UAP1: variants seen among roughly 807,000 people sequenced by gnomAD.
UAP1 encodes UDP-N-acetylhexosamine pyrophosphorylase.
In UAP1, 25 loss-of-function variants were observed where a neutral mutation model predicts 58.5. The ratio of observed to expected loss-of-function variants is 0.43; its 90% CI spans 0.31 to 0.60. The LOEUF is 0.60. UAP1 is among the 20% of genes least tolerant of loss of function. The probability of loss-of-function intolerance (pLI) is 0.11; values close to 1 mark genes in which losing one functional copy is unlikely to be tolerated. For synonymous variants in UAP1, 208 were observed against 213.0 expected, an observed-to-expected ratio of 0.98 and a Z score of 0.21; for missense variants, 575 against 630.0, an observed-to-expected ratio of 0.91 and a Z score of 0.93.
At chr1:162,588,390 A>C (rs1557976727) in intron 6 of UAP1, among the ~76,000 whole-genome samples, 1 of 152,192 alleles carries the variant, frequency 6.6e-6, no homozygotes, top group Non-Finnish European at 1.5e-5. Context: ...TGTTTCATCC[A>C]TAGTAACTTA....
intron 8 of UAP1, among the ~76,000 whole-genome samples, chr1:162,590,927 T>A (rs1005701966): frequency 6.7e-6 from 1 of 149,682 alleles, no homozygotes; most frequent in South Asian, 2.1e-4. Context: ...CACCACTATT[T>A]TTTTTTTTTT....
intron 8 of UAP1, among the ~76,000 whole-genome samples, chr1:162,591,032 C>A (rs1655278751): frequency 6.6e-6 from 1 of 151,418 alleles, no homozygotes; most frequent in Admixed American, 6.6e-5. Flanking sequence ...CAAATCGATT[C>A]TCCTACCTCA....
intron 2 of UAP1, among the ~76,000 whole-genome samples, chr1:162,570,144 G>A (rs1033043246): frequency 1.3e-4 from 18 of 139,946 alleles, no homozygotes; most frequent in East Asian, 2.2e-4. Context: ...GCGAGACTCC[G>A]TCTCAAAAAA....
chr1:162,582,857 C>A (rs1168227894), intron 5 of UAP1, among the ~76,000 whole-genome samples: 1 of 152,180 alleles, frequency 6.6e-6, no homozygotes. Context: ...TTTACTGATA[C>A]AAGTTTTGAG....
At position 162,565,997 on chromosome 1, in the gene UAP1, A is replaced by G; in HGVS notation, c.-57-15A>G. ...GTTGGATTTTGACATGCCATTAATTACTTTTCTCTTTTAGGTTTACAGGTA... is the reference window on the plus strand; with the variant it reads ...GTTGGATTTTGACATGCCATTAATTGCTTTTCTCTTTTAGGTTTACAGGTA... On this transcript the variant is annotated splice_polypyrimidine_tract_variant and intron_variant, in intron 1 of 10. Transcript: ENST00000271469. The G allele has an allele frequency of 6.8e-7, 1 of 1,472,126 alleles. No homozygotes were observed. The highest frequency in any genetic ancestry group is 9.1e-7 in the Non-Finnish European group (1 of 1,097,882). 91.2% of individuals were successfully genotyped at this position (1,472,126 alleles called of 1,614,324 possible).
chr1:162,577,435 CTTTTTTTTTTTTTTTTTTTTT>C (rs67627704), intron 3 of UAP1, among the ~76,000 whole-genome samples: 2 of 95,212 alleles, frequency 2.1e-5, no homozygotes, highest in African/African-American at 9.5e-5. Flanking sequence ...AGTTCCTTCC[CTTTTTTTTTTTTTTTTTTTTT>C]TTTTTTTTTT....
intron 9 of UAP1, among the ~76,000 whole-genome samples, chr1:162,595,543 AC>A (rs1250351284): frequency 6.6e-6 from 1 of 152,090 alleles, no homozygotes; most frequent in Non-Finnish European, 1.5e-5. Flanking sequence ...TGTGTGCCCC[AC>A]TATGCCTCCT....
intron 5 of UAP1, among the ~76,000 whole-genome samples, chr1:162,583,840 G>C (rs1334039634): frequency 6.6e-6 from 1 of 151,588 alleles, no homozygotes; most frequent in Non-Finnish European, 1.5e-5. Flanking sequence ...GGGTTTCACT[G>C]TGTTGCCTAG....
intron 4 of UAP1, 24 bp from the exon 5 acceptor site, chr1:162,581,263 C>T: frequency 6.3e-7 from 1 of 1,598,574 alleles, no homozygotes; most frequent in Non-Finnish European, 8.5e-7. Context: ...TGATATGCTA[C>T]TAATGGGCTA....
chr1:162,599,754 A>C (rs1213957660), exon 11 of UAP1: 1 of 155,152 alleles, frequency 6.4e-6, no homozygotes, highest in African/African-American at 2.4e-5. Context: ...TATGGTACTA[A>C]AAGTTTGTTT....
chr1:162,589,185 AT>A (rs1158516618), intron 7 of UAP1, among the ~76,000 whole-genome samples: 1 of 81,042 alleles, frequency 1.2e-5, no homozygotes, highest in African/African-American at 4.9e-5. Flanking sequence ...ATTATATATA[AT>A]ATATATTATA....
intron 2 of UAP1, among the ~76,000 whole-genome samples, chr1:162,566,652 A>C (rs1653529114): frequency 6.6e-6 from 1 of 151,244 alleles, no homozygotes; most frequent in South Asian, 2.1e-4. Context: ...TTTAAGACAG[A>C]GTCTCACTCT....
exon 8 of UAP1, chr1:162,590,499 C>T: frequency 1.9e-6 from 3 of 1,601,176 alleles, no homozygotes; most frequent in South Asian, 1.1e-5. Context: ...TCTCGCCTTC[C>T]AGCAATTCCC....
chr1:162,600,173 C>T (rs566666788), downstream of UAP1, among the ~76,000 whole-genome samples: 33 of 152,282 alleles, frequency 2.2e-4, no homozygotes, highest in South Asian at 4.6e-3. Context: ...TGGTCTCCTA[C>T]GACAAAGAGT....
exon 10 of UAP1, chr1:162,597,813 A>G (rs1189180527): frequency 1.2e-6 from 2 of 1,613,386 alleles, no homozygotes; most frequent in Non-Finnish European, 1.7e-6. Flanking sequence ...CCAATGATGT[A>G]CCAATCCAAT....
chr1:162,576,881 T>C (rs779635725), exon 3 of UAP1: 10 of 1,614,042 alleles, frequency 6.2e-6, no homozygotes, highest in Non-Finnish European at 8.5e-6. Flanking sequence ...TGATGTTGGT[T>C]TGCCATCCCG....
chr1:162,573,203 G>A (rs1323666640), intron 2 of UAP1, among the ~76,000 whole-genome samples: 2 of 152,108 alleles, frequency 1.3e-5, no homozygotes, highest in African/African-American at 2.4e-5. Context: ...TGTTTGGGAA[G>A]TTTTGGAGAA....
At chr1:162,562,366 C>G (rs1301880429) in intron 1 of UAP1, 2 of 152,052 alleles carry the variant, frequency 1.3e-5, no homozygotes, top group Admixed American at 6.6e-5. Flanking sequence ...GGGACAAAAC[C>G]TGTTTGCTTG....
chr1:162,564,398 C>A (rs1402563367), intron 1 of UAP1, among the ~76,000 whole-genome samples: 1 of 152,210 alleles, frequency 6.6e-6, no homozygotes, highest in African/African-American at 2.4e-5. Context: ...ATGTGTATTA[C>A]TTTTCACTGT....
Sources: allele counts gnomAD v4.1 joint callset (sites outside exome capture counted in the v4.1 genomes callset), GRCh38; gene constraint gnomAD v4.1.1; transcripts MANE v1.5; gene names NCBI Gene and HGNC (gene_info 2026-07-23, HGNC 2026-07-21).